ADAMTS18: variants seen among roughly 807,000 people sequenced by gnomAD.
ADAMTS18 encodes A disintegrin and metalloproteinase with thrombospondin motifs 18.
ADAMTS18 carries 157 observed loss-of-function variants against 165.9 expected under a neutral mutation model. The ratio of observed to expected loss-of-function variants is 0.95; its 90% confidence interval spans 0.83 to 1.08. ADAMTS18 has a LOEUF of 1.08. Ranked by LOEUF, ADAMTS18 falls within the 50% of genes least tolerant of loss-of-function variation. ADAMTS18 has a pLI of 0.00. For missense variants in ADAMTS18, 2,040 were observed against 1,534.0 expected (o/e 1.33, Z -5.51); for synonymous variants, 782 against 578.2 (o/e 1.35, Z -5.06).
intron 3 of ADAMTS18, among the ~76,000 whole-genome samples, chr16:77,414,115 C>T (rs746887470): frequency 3.3e-5 from 5 of 152,146 alleles, no homozygotes; most frequent in Non-Finnish European, 7.4e-5. Context: ...ATATAATGGC[C>T]AAGTGCCTCC....
chr16:77,294,418 C>G (rs564110043), intron 19 of ADAMTS18, among the ~76,000 whole-genome samples: 1 of 152,278 alleles, frequency 6.6e-6, no homozygotes, highest in East Asian at 1.9e-4. Context: ...AGAGGGAATT[C>G]TGAGCTGTGA....
At chr16:77,363,991 A>G (rs1597174395) in intron 5 of ADAMTS18, 106 bp from the exon 6 acceptor site, 1 of 1,225,420 alleles carries the variant, frequency 8.2e-7, no homozygotes, top group East Asian at 2.5e-5. Flanking sequence ...TTTACCAAAT[A>G]TATGTACATA....
At chr16:77,375,161 C>T (rs1033368549) in intron 3 of ADAMTS18, among the ~76,000 whole-genome samples, 1 of 152,032 alleles carries the variant, frequency 6.6e-6, no homozygotes, top group Admixed American at 6.6e-5. Context: ...GCAAATATCA[C>T]AAATGGGAAT....
chr16:77,435,009 G>A lies in ADAMTS18; in HGVS notation c.-314C>T. 1 of 233,556 alleles carries A rather than the reference G, an allele frequency of 4.3e-6. No homozygotes were observed. The highest frequency in any genetic ancestry group is 1.6e-4 in the South Asian group (1 of 6,210). 14.5% of individuals were successfully genotyped at this position (233,556 alleles called of 1,614,324 possible). On this transcript the variant is annotated 5_prime_UTR_variant, in exon 1 of 23. The change creates a new upstream start codon in the 5' untranslated region. Coordinates refer to ENST00000282849, the MANE Select transcript of ADAMTS18 (RefSeq NM_199355.4). ...TCGGTGTCTGCCCGCCCGTCTGTGC[G>A]TCTGTCTGTGTCGGTGTGAGCGTCT...
rs2057398285 is a variant in ADAMTS18, at chr16:77,406,759, C to T, written c.495+24536G>A. ...ACAAATAAAATTTTGTACATACACACACAGCCATAAAAAAGAATATCATTT... is the reference window on the plus strand; with the variant it reads ...ACAAATAAAATTTTGTACATACACATACAGCCATAAAAAAGAATATCATTT... On this transcript the variant is annotated intron_variant, in intron 3 of 22. Coordinates refer to ENST00000282849, the MANE Select transcript of ADAMTS18 (RefSeq NM_199355.4). 2.0e-5 allele frequency among the ~76,000 whole-genome samples: 3 copies of T among 151,936 alleles called. No individual in the cohort carries two copies. In the South Asian group the frequency reaches 6.2e-4, roughly 32 times the overall value.
chr16:77,289,595 T>A, intron 21 of ADAMTS18, 184 bp from the exon 22 acceptor site: 1 of 695,652 alleles, frequency 1.4e-6, no homozygotes, highest in Non-Finnish European at 2.4e-6. Context: ...CCCTTTGATC[T>A]GATTAGAAGG....
Position 77,355,952 on chromosome 16 carries a change from T to G in ADAMTS18, c.1448A>C (p.Lys483Thr). 1 of 1,614,052 alleles carries G rather than the reference T, an allele frequency of 6.2e-7. No individual in the cohort carries two copies. The highest frequency in any genetic ancestry group is 8.5e-7 in the Non-Finnish European group (1 of 1,179,930). ...TAACCTGTCATACCTGAGGAATTTC[T>G]TGAGATACTGGCGGCTGCAGGAAGA... Reference protein sequence around the residue: ...SWSSCSRQYLKKFLSTPQAGC... With the variant: ...SWSSCSRQYLTKFLSTPQAGC... The change falls in exon 9 of 23, where the codon AAG (lysine) becomes ACG (threonine). Residue 483 changes from lysine to threonine, a missense_variant. Coordinates refer to ENST00000282849, the MANE Select transcript of ADAMTS18 (RefSeq NM_199355.4).
At chr16:77,312,544 A>C (rs1179758495) in intron 16 of ADAMTS18, among the ~76,000 whole-genome samples, 1 of 152,196 alleles carries the variant, frequency 6.6e-6, no homozygotes, top group Non-Finnish European at 1.5e-5. Flanking sequence ...GGCCGTCTCA[A>C]AAAAAACTTC....
At chr16:77,425,457 T>A (rs1041084262) in intron 3 of ADAMTS18, among the ~76,000 whole-genome samples, 1 of 152,192 alleles carries the variant, frequency 6.6e-6, no homozygotes, top group South Asian at 2.1e-4. Context: ...AGTCCACTAC[T>A]CTTGCCAGCT....
chr16:77,320,249 G>T (rs77092774), intron 15 of ADAMTS18, among the ~76,000 whole-genome samples, 156 bp from the exon 16 acceptor site: 7,130 of 152,194 alleles, frequency 0.047, 250 homozygotes, highest in African/African-American at 0.091. Context: ...CATGATCAAT[G>T]ATTTCATTGT....
chr16:77,396,770 T>C (rs1277534083), intron 3 of ADAMTS18, among the ~76,000 whole-genome samples: 3 of 151,890 alleles, frequency 2.0e-5, no homozygotes, highest in Non-Finnish European at 4.4e-5. Context: ...ATTCCAGCTT[T>C]GTTCACTAAA....
chr16:77,387,942 T>C (rs892878107), intron 3 of ADAMTS18, among the ~76,000 whole-genome samples: 2 of 152,176 alleles, frequency 1.3e-5, no homozygotes, highest in African/African-American at 4.8e-5. Flanking sequence ...TATGGCGCTA[T>C]CTCTCACCAC....
At chr16:77,434,094 T>C (rs2057768327) in intron 2 of ADAMTS18, among the ~76,000 whole-genome samples, 1 of 151,930 alleles carries the variant, frequency 6.6e-6, no homozygotes, top group South Asian at 2.1e-4. Flanking sequence ...AGGGAGGAAA[T>C]AAGTAATTCC....
intron 11 of ADAMTS18, among the ~76,000 whole-genome samples, chr16:77,337,425 C>A (rs75219489): frequency 0.01 from 1,533 of 152,284 alleles, 29 homozygotes; most frequent in African/African-American, 0.035. Flanking sequence ...TTGCAAAGCA[C>A]TGAATTAAAA....
At chr16:77,332,459 G>T (rs138946830) in intron 12 of ADAMTS18, among the ~76,000 whole-genome samples, 60 of 152,184 alleles carry the variant, frequency 3.9e-4, no homozygotes, top group African/African-American at 1.4e-3. Flanking sequence ...AGTCTGTCAG[G>T]CATTCTAAAG....
chr16:77,306,402 T>C (rs773020242), intron 16 of ADAMTS18, among the ~76,000 whole-genome samples: 4 of 152,208 alleles, frequency 2.6e-5, no homozygotes, highest in Non-Finnish European at 5.9e-5. Flanking sequence ...GGGGATGCAG[T>C]TTCTGTTTAA....
In ADAMTS18 at chr16:77,293,151, C is replaced by A; in HGVS notation, c.3114G>T (p.Glu1038Asp). 1 of 1,614,048 alleles carries A rather than the reference C, an allele frequency of 6.2e-7. No individual in the cohort carries two copies. Among genetic ancestry groups the A allele is most frequent in the Non-Finnish European group, 8.5e-7 (1 of 1,180,006 alleles). The stretch of plus-strand genomic sequence containing the variant: ...GTCCAAGCACACAGCCCTCCTGCAG[C>A]TCAGGTCTGGGGAGACTGGTACACT... ...ESQCTSLPRP[E>D]LQEGCVLGRC... is the part of the protein sequence containing the mutation. Residue 1038 changes from glutamate to aspartate, a missense_variant, in exon 20 of 23, where the codon GAG becomes GAT. Glu to Asp is a conservative substitution (Grantham distance 45). Coordinates refer to ENST00000282849, the MANE Select transcript of ADAMTS18 (RefSeq NM_199355.4).
Position 77,367,485 on chromosome 16 carries a change from T to G in ADAMTS18, c.734A>C (p.His245Pro). 1 of 1,614,202 alleles carries G rather than the reference T, an allele frequency of 6.2e-7. No individual in the cohort carries two copies. Residue 245 changes from histidine (H) to proline (P), a missense_variant, in exon 4 of 23, where the codon CAT becomes CCT. Physicochemically the swap from His to Pro is moderately conservative, Grantham distance 77 (BLOSUM62 -2). Transcript: ENST00000282849. ...AAAATGCTGCTTTTGCAACCTTCGATGGTGATACTCTGTCTCTCGACTCTG... is the reference window on the plus strand; with the variant it reads ...AAAATGCTGCTTTTGCAACCTTCGAGGGTGATACTCTGTCTCTCGACTCTG... Reference protein sequence around the residue: ...ASQSRETEYHHRRLQKQHFCG... With the variant: ...ASQSRETEYHPRRLQKQHFCG...
intron 3 of ADAMTS18, 96 bp downstream of exon 3, chr16:77,431,199 A>C (rs1290080457): frequency 7.8e-7 from 1 of 1,282,986 alleles, no homozygotes; most frequent in African/African-American, 1.5e-5. Flanking sequence ...GAATGTGTGG[A>C]GTTGGCTGGA....
Sources: gnomAD v4.1 joint callset for allele counts (sites outside exome capture counted in the v4.1 genomes callset) on GRCh38, gnomAD v4.1.1 for gene constraint, MANE v1.5 for transcripts, NCBI Gene and HGNC (gene_info 2026-07-23, HGNC 2026-07-21) for gene names.